TMEM108: variants seen among roughly 807,000 people sequenced by gnomAD.
The protein encoded by TMEM108 is transmembrane protein 108.
In TMEM108, 12 loss-of-function variants were observed where a neutral mutation model predicts 35.1. The ratio of observed to expected loss-of-function variants is 0.34; its 90% CI spans 0.22 to 0.55. The LOEUF is 0.55. Ranked by LOEUF, TMEM108 falls within the 20% of genes least tolerant of loss-of-function variation. TMEM108 has a pLI of 0.89. For missense variants in TMEM108, 680 were observed against 753.3 expected, an observed-to-expected ratio of 0.90 and a Z score of 1.14; for synonymous variants, 287 against 308.6, an observed-to-expected ratio of 0.93 and a Z score of 0.73.
intron 3 of TMEM108, among the ~76,000 whole-genome samples, chr3:133,327,105 GT>G (rs1182827196): frequency 6.6e-6 from 1 of 152,102 alleles, no homozygotes; most frequent in Non-Finnish European, 1.5e-5. Flanking sequence ...CACAAGAAGG[GT>G]GCCTTTGTGT....
At position 133,380,638 on chromosome 3, in the gene TMEM108, T is replaced by C. The variant is rs1233149809; in HGVS notation, c.927T>C (p.Ser309=). ...DATAASGAPV[S]PQAAPVPSQR... The stretch of plus-strand genomic sequence containing the variant: ...CAGCAGCCTCAGGTGCCCCTGTCAG[T>C]CCACAAGCTGCCCCAGTGCCTTCTC... The change falls in exon 4 of 6, where the codon AGT becomes AGC. Residue 309 remains serine, a synonymous_variant. Coordinates refer to ENST00000321871, the MANE Select transcript of TMEM108 (RefSeq NM_023943.4). The surrounding 1 kb of genome is among the most constrained non-coding windows in gnomAD (Gnocchi z 5.3). 1 of 1,613,716 alleles carries C rather than the reference T, an allele frequency of 6.2e-7. No homozygotes were observed. The highest frequency in any genetic ancestry group is 8.5e-7 in the Non-Finnish European group (1 of 1,179,930).
chr3:133,102,240 G>A (rs918039773), intron 2 of TMEM108, among the ~76,000 whole-genome samples: 12 of 152,168 alleles, frequency 7.9e-5, no homozygotes, highest in Admixed American at 1.3e-4. Context: ...ACTGGTGAGC[G>A]CATCTTTCAG....
At chr3:133,201,488 C>T (rs1373008544) in intron 2 of TMEM108, among the ~76,000 whole-genome samples, 2 of 147,692 alleles carry the variant, frequency 1.4e-5, no homozygotes, top group African/African-American at 2.5e-5. Context: ...GTGTGATGTT[C>T]CCCTCCCTGT....
intron 4 of TMEM108, chr3:133,387,071 C>G (rs1314375550): frequency 4.1e-6 from 4 of 985,522 alleles, no homozygotes; most frequent in Non-Finnish European, 4.8e-6. Context: ...AGTGAATGTT[C>G]TAACCCCTAG....
chr3:133,252,703 GA>G (rs1262138245), intron 3 of TMEM108, among the ~76,000 whole-genome samples: 1 of 152,142 alleles, frequency 6.6e-6, no homozygotes, highest in Non-Finnish European at 1.5e-5. Flanking sequence ...GACATTTTGA[GA>G]ACTAAATGAG....
intron 3 of TMEM108, among the ~76,000 whole-genome samples, chr3:133,233,982 T>C (rs986901103): frequency 3.3e-5 from 5 of 150,906 alleles, no homozygotes; most frequent in Admixed American, 1.3e-4. Flanking sequence ...TTCTCCCATT[T>C]TGTAGGTTGC....
chr3:133,220,532 G>A (rs553439746), intron 2 of TMEM108, among the ~76,000 whole-genome samples: 1 of 152,120 alleles, frequency 6.6e-6, no homozygotes, highest in African/African-American at 2.4e-5. Flanking sequence ...TTTATTCTAC[G>A]TTATTCCACT....
chr3:133,094,773 C>T (rs1000890343), intron 2 of TMEM108, among the ~76,000 whole-genome samples: 1 of 152,206 alleles, frequency 6.6e-6, no homozygotes, highest in Non-Finnish European at 1.5e-5. Context: ...ATCCCCTCAT[C>T]TAGCCTTAAT....
intron 2 of TMEM108, among the ~76,000 whole-genome samples, chr3:133,203,098 A>G (rs113438310): frequency 0.015 from 2,290 of 151,968 alleles, 75 homozygotes; most frequent in African/African-American, 0.051. Context: ...TTGTTTGTCT[A>G]TTTTTGGTGT....
chr3:133,141,609 A>G (rs1337990589), intron 2 of TMEM108, among the ~76,000 whole-genome samples: 1 of 152,208 alleles, frequency 6.6e-6, no homozygotes, highest in Non-Finnish European at 1.5e-5. Flanking sequence ...GATGAAGTGT[A>G]AGCCAGGGAC....
At chr3:133,388,697 A>C in intron 4 of TMEM108, 5 of 985,432 alleles carry the variant, frequency 5.1e-6, no homozygotes, top group Non-Finnish European at 6.0e-6. Flanking sequence ...CTAACCTTGT[A>C]CAGAGACCTT....
intron 2 of TMEM108, among the ~76,000 whole-genome samples, chr3:133,100,959 A>G (rs555686858): frequency 6.6e-6 from 1 of 152,294 alleles, no homozygotes; most frequent in South Asian, 2.1e-4. Flanking sequence ...TGATTTTTAG[A>G]ATTGAAATTG....
At chr3:133,083,297 C>G (rs1465425669) in intron 2 of TMEM108, among the ~76,000 whole-genome samples, 1 of 152,014 alleles carries the variant, frequency 6.6e-6, no homozygotes, top group African/African-American at 2.4e-5. Flanking sequence ...TCCCTCACTC[C>G]TCATCCCCCT....
chr3:133,388,889 G>A (rs2073191919), intron 4 of TMEM108: 2 of 985,772 alleles, frequency 2.0e-6, no homozygotes, highest in Non-Finnish European at 2.4e-6. Context: ...TCAGGCTGCT[G>A]CGAACAGAGC....
chr3:133,131,721 A>C (rs919979528), intron 2 of TMEM108, among the ~76,000 whole-genome samples: 3 of 151,896 alleles, frequency 2.0e-5, no homozygotes, highest in Non-Finnish European at 4.4e-5. Context: ...TGAAAGCCTA[A>C]AGGCCAAAAC....
intron 2 of TMEM108, among the ~76,000 whole-genome samples, chr3:133,119,851 G>A (rs1050507425): frequency 3.9e-5 from 6 of 151,936 alleles, no homozygotes; most frequent in Admixed American, 2.0e-4. Flanking sequence ...AATTAATTAC[G>A]TGCCCCCAAA....
chr3:133,140,177 C>T (rs1411104251), intron 2 of TMEM108, among the ~76,000 whole-genome samples: 1 of 152,184 alleles, frequency 6.6e-6, no homozygotes, highest in Non-Finnish European at 1.5e-5. Flanking sequence ...CCGAGCTCCT[C>T]ATTAAGCCAT....
chr3:133,045,779 T>C (rs1364549650), intron 1 of TMEM108, 123 bp from the exon 2 acceptor site: 1 of 152,566 alleles, frequency 6.6e-6, no homozygotes, highest in Non-Finnish European at 1.5e-5. Context: ...AAATTTTTAT[T>C]GAACTTGAGC....
At chr3:133,269,970 G>A (rs1946747962) in intron 3 of TMEM108, among the ~76,000 whole-genome samples, 1 of 152,246 alleles carries the variant, frequency 6.6e-6, no homozygotes, top group South Asian at 2.1e-4. Context: ...GTGAGCTAGT[G>A]TTGGGGGAAG....
Sources: allele counts gnomAD v4.1 joint callset (sites outside exome capture counted in the v4.1 genomes callset), GRCh38; gene constraint gnomAD v4.1.1; non-coding constraint Gnocchi (gnomAD v3.1); transcripts MANE v1.5; gene names NCBI Gene and HGNC (gene_info 2026-07-23, HGNC 2026-07-21).